Variants in EPS15 observed in about 807,000 individuals in gnomAD.
The protein encoded by EPS15 is epidermal growth factor receptor pathway substrate 15, also known as epidermal growth factor receptor substrate 15.
EPS15 carries 72 observed loss-of-function variants against 113.8 expected under a neutral mutation model. That is an observed-to-expected ratio of 0.63 (90% CI 0.52 to 0.77). EPS15 has a LOEUF of 0.77. Ranked by LOEUF, EPS15 falls within the 30% of genes least tolerant of loss-of-function variation. The pLI, the probability that EPS15 is intolerant of heterozygous loss-of-function variation, is 0.00. For synonymous variants in EPS15, 344 were observed against 363.4 expected (o/e 0.95, Z 0.61); for missense variants, 1,048 against 1,045.8 (o/e 1.00, Z -0.03).
chr1:51,502,079 G>A (rs1390930525), intron 1 of EPS15, among the ~76,000 whole-genome samples: 1 of 151,648 alleles, frequency 6.6e-6, no homozygotes, highest in Non-Finnish European at 1.5e-5. Context: ...ACCACCCTGG[G>A]CAACATAGTG....
rs759374274 is a variant in EPS15 at position 51,363,993 on chromosome 1, C to T, written c.2232G>A (p.Ser744=). Residue 744 remains serine, a synonymous_variant, in exon 23 of 25, where the codon TCG becomes TCA. Coordinates refer to ENST00000371733, the MANE Select transcript of EPS15 (RefSeq NM_001981.3). The stretch of plus-strand genomic sequence containing the variant: ...TAATCACTACGTTGCTGACAGAGCT[C>T]GATGTGGCTGAACGAAAAGGATCTT... ...NNEDPFRSAT[S]SSVSNVVITK... 13 of 1,612,856 alleles carry T rather than the reference C, an allele frequency of 8.1e-6. No individual in the cohort carries two copies. In the South Asian group the frequency reaches 1.1e-4, roughly 14 times the overall value.
intron 8 of EPS15, chr1:51,457,645 A>G (rs947686751): frequency 6.6e-6 from 1 of 151,464 alleles, no homozygotes; most frequent in Non-Finnish European, 1.5e-5. Flanking sequence ...AATTTTATAC[A>G]ATCTTTTTAA....
chr1:51,476,066 C>T (rs547064340), intron 2 of EPS15, among the ~76,000 whole-genome samples: 1 of 152,148 alleles, frequency 6.6e-6, no homozygotes, highest in African/African-American at 2.4e-5. Context: ...TAGTCCCATG[C>T]TGTTTTGGTT....
At position 51,408,462 on chromosome 1, in the gene EPS15, A is replaced by G. The variant is rs529647645; in HGVS notation, c.1276-130T>C. ...GTTTTTTTTGACAGCAATAGCAAAT[A>G]ATTTATTTAATTTAATTTTTGAGAG... is the stretch of plus-strand genomic sequence containing the variant. On this transcript the variant is annotated intron_variant, in intron 14 of 24. Coordinates refer to ENST00000371733, the MANE Select transcript of EPS15 (RefSeq NM_001981.3). 4.6e-6 allele frequency: 3 copies of G among 652,172 alleles called. No individual in the cohort carries two copies. In the African/African-American group the frequency reaches 5.5e-5, roughly 12 times the overall value. The allele number at this position is 652,172 out of a possible 1,614,324, so 40.4% of individuals were successfully genotyped here. A position where few individuals can be genotyped will look rare whatever the true frequency, so the allele number is the denominator to read the frequency against.
At chr1:51,382,194 A>G (rs1646956106) in intron 21 of EPS15, 1 of 152,234 alleles carries the variant, frequency 6.6e-6, no homozygotes, top group Admixed American at 6.5e-5. Context: ...ATAAATGAGA[A>G]GAACAAATTC....
intron 21 of EPS15, chr1:51,372,224 G>T: frequency 2.2e-6 from 1 of 458,510 alleles, no homozygotes. Flanking sequence ...GGAGTTTGTG[G>T]GTTGCAGGGA....
intron 1 of EPS15, among the ~76,000 whole-genome samples, chr1:51,503,479 T>C (rs962274139): frequency 1.3e-5 from 2 of 151,896 alleles, no homozygotes; most frequent in Non-Finnish European, 2.9e-5. Flanking sequence ...ACATCTCTAC[T>C]AAAAATACAA....
chr1:51,498,070 A>AC (rs1644356184), intron 1 of EPS15, among the ~76,000 whole-genome samples: 2 of 151,568 alleles, frequency 1.3e-5, no homozygotes, highest in Admixed American at 1.3e-4. Context: ...AAAAACTTAA[A>AC]CCCCCCTTTT....
intron 1 of EPS15, among the ~76,000 whole-genome samples, chr1:51,481,643 G>C (rs1373786615): frequency 6.6e-6 from 1 of 152,132 alleles, no homozygotes; most frequent in African/African-American, 2.4e-5. Flanking sequence ...AAAGCCAGTT[G>C]AGAGGCCCAA....
intron 12 of EPS15, among the ~76,000 whole-genome samples, chr1:51,438,182 G>A (rs1019663653): frequency 2.0e-5 from 3 of 151,906 alleles, no homozygotes; most frequent in African/African-American, 4.8e-5. Flanking sequence ...TAAAAGTCCA[G>A]GGAAAATATT....
At chr1:51,396,506 C>T (rs1465446917) in intron 20 of EPS15, among the ~76,000 whole-genome samples, 2 of 152,112 alleles carry the variant, frequency 1.3e-5, no homozygotes, top group African/African-American at 4.8e-5. Context: ...GGGTGCTCAA[C>T]CTGTATTATT....
chr1:51,421,781 C>T lies in EPS15; in HGVS notation c.1113+5G>A. The T allele has an allele frequency of 6.5e-7, 1 of 1,550,064 alleles. No homozygotes were observed. The highest frequency in any genetic ancestry group is 2.3e-5 in the East Asian group (1 of 43,726). On this transcript the variant is annotated splice_donor_5th_base_variant and intron_variant, in intron 13 of 24. Coordinates refer to ENST00000371733, the MANE Select transcript of EPS15 (RefSeq NM_001981.3). Reference sequence around the variant, plus strand: ...AGTGGAACACTAAATTTTATGGTCACTTACCTGAACCTCACTTGTCCTCTG... The same window carrying T: ...AGTGGAACACTAAATTTTATGGTCATTTACCTGAACCTCACTTGTCCTCTG...
chr1:51,451,963 C>T (rs1653606702), intron 8 of EPS15, among the ~76,000 whole-genome samples: 1 of 151,848 alleles, frequency 6.6e-6, no homozygotes. Context: ...CTCACTACAA[C>T]CTCCGTCTCC....
intron 24 of EPS15, among the ~76,000 whole-genome samples, chr1:51,358,718 T>TTG (rs1646303869): frequency 6.7e-6 from 1 of 149,684 alleles, no homozygotes; most frequent in Non-Finnish European, 1.5e-5. Flanking sequence ...TGTTTTTTTT[T>TTG]TTTTTTTTGA....
At chr1:51,510,691 A>G (rs992560663) in intron 1 of EPS15, among the ~76,000 whole-genome samples, 2 of 152,234 alleles carry the variant, frequency 1.3e-5, no homozygotes, top group African/African-American at 4.8e-5. Context: ...GAAATCACAC[A>G]TAAAATTAAG....
chr1:51,508,228 GAAA>G (rs1473130888), intron 1 of EPS15, among the ~76,000 whole-genome samples: 6 of 82,782 alleles, frequency 7.2e-5, no homozygotes, highest in South Asian at 3.8e-4. Flanking sequence ...GAAAAGAAAA[GAAA>G]AGAAAAGAAA....
At chr1:51,442,403 AT>A (rs1437715816) in intron 11 of EPS15, among the ~76,000 whole-genome samples, 1 of 152,178 alleles carries the variant, frequency 6.6e-6, no homozygotes, top group Non-Finnish European at 1.5e-5. Flanking sequence ...CTCACATTTT[AT>A]AGTCTTGCCT....
At chr1:51,483,763 G>A (rs1047430487) in intron 1 of EPS15, among the ~76,000 whole-genome samples, 10 of 151,286 alleles carry the variant, frequency 6.6e-5, no homozygotes, top group East Asian at 1.9e-4. Flanking sequence ...CTGAAATCAC[G>A]CCACTGCACT....
intron 1 of EPS15, among the ~76,000 whole-genome samples, chr1:51,483,829 G>A (rs115248289): frequency 0.032 from 4,811 of 151,630 alleles, 122 homozygotes; most frequent in Non-Finnish European, 0.05. Flanking sequence ...AGAGTCAGAC[G>A]GATGTGGTGG....
Sources: allele counts gnomAD v4.1 joint callset (sites outside exome capture counted in the v4.1 genomes callset), GRCh38; gene constraint gnomAD v4.1.1; transcripts MANE v1.5; gene names NCBI Gene and HGNC (gene_info 2026-07-23, HGNC 2026-07-21).